The following CD163L1 variants were observed in gnomAD, a reference collection of about 807,000 sequenced individuals.
CD163L1 encodes the protein scavenger receptor cysteine-rich type 1 protein M160.
In CD163L1, 124 loss-of-function variants were observed where a neutral mutation model predicts 165.4. The observed-to-expected ratio is 0.75, with a 90% CI of 0.65 to 0.87. The LOEUF (loss-of-function observed/expected upper bound fraction) is 0.87, where lower values mean the gene tolerates loss of function less well. Among genes scored for constraint, CD163L1 ranks in the 40% least tolerant of loss-of-function variants. The pLI is 0.00. For synonymous variants in CD163L1, 585 were observed against 662.2 expected (o/e 0.88, Z 1.79); for missense variants, 1,525 against 1,799.9 (o/e 0.85, Z 2.76).
rs1278657315 is a variant in CD163L1 at position 7,438,918 on chromosome 12, GCA to G, written c.124+2234_124+2235del. On this transcript the variant is annotated intron_variant, in intron 2 of 19. Transcript: ENST00000313599. ...CTGTCTTGATTCCTCTGCTTTTTAG[GCA>G]CAGTTTTCTTCTCTAAGAATGCGTT... The G allele has an allele frequency of 8.7e-6, 14 of 1,602,132 alleles. 1 individual carries two copies. The Admixed American group carries it at 1.7e-4, about 19-fold the overall frequency.
At chr12:7,326,970 T>G in the CD163L1 span, 5 of 1,592,948 alleles carry the variant, frequency 3.1e-6, no homozygotes, top group African/African-American at 6.7e-5. Context: ...AACTTTTCTG[T>G]TGCAGGTGGT....
At chr12:7,439,933 T>G (rs1420710351) in intron 2 of CD163L1, 3 of 1,592,728 alleles carry the variant, frequency 1.9e-6, no homozygotes, top group Non-Finnish European at 2.6e-6. Context: ...CTCAGTGCTG[T>G]CGGCAGCTGA....
At chr12:7,354,765 A>G (rs747266836), downstream of CD163L1, among the ~76,000 whole-genome samples, 95 of 152,240 alleles carry the variant, frequency 6.2e-4, 1 homozygote, top group African/African-American at 2.1e-3. Flanking sequence ...GTACACTCAC[A>G]TAAGGGAAGG....
At chr12:7,355,944 G>A (rs1349487089) in intron 19 of CD163L1, among the ~76,000 whole-genome samples, 1 of 152,058 alleles carries the variant, frequency 6.6e-6, no homozygotes, top group African/African-American at 2.4e-5. Flanking sequence ...CCCAGTCTGT[G>A]GTATTTTCTT....
chr12:7,322,848 A>G, the CD163L1 span, among the ~76,000 whole-genome samples: 6 of 152,160 alleles, frequency 3.9e-5, no homozygotes, highest in Non-Finnish European at 7.3e-5. Context: ...ATCCTCTGAG[A>G]GCGTCCATGG....
chr12:7,380,337 G>GTATACATACATGTATGTGTGTATACGCA (rs1565784176), intron 8 of CD163L1, among the ~76,000 whole-genome samples: 17 of 139,200 alleles, frequency 1.2e-4, no homozygotes, highest in South Asian at 2.5e-4. Context: ...ATGTATACAC[G>GTATACATACATGTATGTGTGTATACGCA]TATACATACA....
At chr12:7,428,000 T>C (rs1429009487) in intron 4 of CD163L1, among the ~76,000 whole-genome samples, 1 of 152,092 alleles carries the variant, frequency 6.6e-6, no homozygotes, top group East Asian at 1.9e-4. Flanking sequence ...AAACAATAAT[T>C]TGAAGCTTTG....
At chr12:7,385,849 A>G (rs1188298087) in intron 8 of CD163L1, among the ~76,000 whole-genome samples, 1 of 152,048 alleles carries the variant, frequency 6.6e-6, no homozygotes, top group African/African-American at 2.4e-5. Flanking sequence ...TATGGGATAC[A>G]CCAATAGCAC....
chr12:7,420,031 A>G (rs1460043236), intron 4 of CD163L1, among the ~76,000 whole-genome samples: 4 of 152,152 alleles, frequency 2.6e-5, no homozygotes, highest in African/African-American at 9.6e-5. Context: ...GGAATGGAAA[A>G]GAGTACCCAG....
chr12:7,324,521 G>A, the CD163L1 span: 1 of 1,613,972 alleles, frequency 6.2e-7, no homozygotes, highest in African/African-American at 1.3e-5. Context: ...GCCATTTGAA[G>A]TGGAGAGTGC....
rs1159663308 is a variant in CD163L1 at position 7,357,545 on chromosome 12, G to A, written c.4280-59C>T. Reference sequence around the variant, plus strand: ...GTAGAAAACCTCTCTGCAGAGGGAAGAGCTGTTAAGTGCAGTGTTTGATCA... The same window carrying A: ...GTAGAAAACCTCTCTGCAGAGGGAAAAGCTGTTAAGTGCAGTGTTTGATCA... On this transcript the variant is annotated intron_variant, in intron 18 of 19. Coordinates refer to ENST00000313599, the MANE Select transcript of CD163L1 (RefSeq NM_174941.6). 7 of 1,417,644 alleles carry A rather than the reference G, an allele frequency of 4.9e-6. No homozygotes were observed. In the East Asian group the frequency reaches 1.6e-4, roughly 32 times the overall value. 87.8% of individuals were successfully genotyped at this position (1,417,644 alleles called of 1,614,324 possible).
Position 7,433,456 on chromosome 12 carries a change from C to T in CD163L1, c.363G>A (p.Glu121=). Residue 121 remains glutamate, a synonymous_variant, in exon 3 of 20, where the codon GAG becomes GAA. Coordinates refer to ENST00000313599, the MANE Select transcript of CD163L1 (RefSeq NM_174941.6). ...GGTGTTGACATTCCCAGAGAGCTGACTCATTTCCATAACAGGAAACATCAT... is the reference window on the plus strand; with the variant it reads ...GGTGTTGACATTCCCAGAGAGCTGATTCATTTCCATAACAGGAAACATCAT... ...WLDDVSCYGN[E]SALWECQHRE... The T allele has an allele frequency of 6.2e-7, 1 of 1,613,968 alleles. No individual in the cohort carries two copies. Among genetic ancestry groups the T allele is most frequent in the Non-Finnish European group, 8.5e-7 (1 of 1,179,888 alleles).
At chr12:7,331,257 C>T in the CD163L1 span, among the ~76,000 whole-genome samples, 1 of 152,222 alleles carries the variant, frequency 6.6e-6, no homozygotes, top group Non-Finnish European at 1.5e-5. Flanking sequence ...TGCCATTGCC[C>T]AGGCTTGAGT....
downstream of CD163L1, among the ~76,000 whole-genome samples, chr12:7,344,735 G>A (rs1288455815): frequency 2.6e-5 from 4 of 152,310 alleles, no homozygotes; most frequent in Non-Finnish European, 5.9e-5. Flanking sequence ...CTGAAATCTA[G>A]GCTGAGGCTG....
Position 7,369,607 on chromosome 12 carries a change from G to C in CD163L1, c.3789C>G (p.His1263Gln). 6.2e-7 allele frequency: 1 copy of C among 1,613,636 alleles called. No individual in the cohort carries two copies. The highest frequency in any genetic ancestry group is 1.1e-5 in the South Asian group (1 of 91,008). ...TECSGRVEIW[H>Q]AGSWGTVCDD... ...CACACACTGTGCCCCAGGAGCCTGCGTGCCAGATCTCCACTCTCCCAGAGC... is the reference window on the plus strand; with the variant it reads ...CACACACTGTGCCCCAGGAGCCTGCCTGCCAGATCTCCACTCTCCCAGAGC... Residue 1263 changes from histidine (H) to glutamine (Q), a missense_variant, in exon 15 of 20, where the codon CAC (histidine) becomes CAG (glutamine). By Grantham distance (24) the His-to-Gln change is conservative. Coordinates refer to ENST00000313599, the MANE Select transcript of CD163L1 (RefSeq NM_174941.6). The surrounding 1 kb of genome is among the most constrained non-coding windows in gnomAD (Gnocchi z 4.9).
chr12:7,421,758 TATATATATATA>T (rs1948442861), intron 4 of CD163L1, among the ~76,000 whole-genome samples: 1 of 132,318 alleles, frequency 7.6e-6, no homozygotes, highest in African/African-American at 3.2e-5. Context: ...TATATATATA[TATATATATATA>T]TTTTTTCTTC....
chr12:7,403,887 T>A (rs763043900), intron 5 of CD163L1, 32 bp from the exon 6 acceptor site: 4 of 1,593,454 alleles, frequency 2.5e-6, no homozygotes, highest in Non-Finnish European at 3.4e-6. Flanking sequence ...ACGTCTGAAT[T>A]GGGTTTGGGA....
At position 7,369,638 on chromosome 12, in the gene CD163L1, G is replaced by T; in HGVS notation, c.3758C>A (p.Thr1253Asn). Residue 1253 changes from threonine to asparagine, a missense_variant, in exon 15 of 20, where the codon ACC (threonine) becomes AAC (asparagine). Coordinates refer to ENST00000313599, the MANE Select transcript of CD163L1 (RefSeq NM_174941.6). This position sits in a 1 kb window ranked among gnomAD's most constrained non-coding sequence, Gnocchi z 4.9. ...EDRIRVRGGD[T>N]ECSGRVEIWH... ...GATCTCCACTCTCCCAGAGCACTCG[G>T]TGTCTCCTCCACGCACTCTTATTCT... 6.2e-7 allele frequency: 1 copy of T among 1,614,068 alleles called. No individual in the cohort carries two copies. The highest frequency in any genetic ancestry group is 2.2e-5 in the East Asian group (1 of 44,876).
chr12:7,413,232 A>T (rs1052925426), intron 4 of CD163L1, among the ~76,000 whole-genome samples: 1 of 152,080 alleles, frequency 6.6e-6, no homozygotes. Context: ...TATGGCCAAG[A>T]GAGACTCCCT....
Sources: allele counts gnomAD v4.1 joint callset (sites outside exome capture counted in the v4.1 genomes callset), GRCh38; gene constraint gnomAD v4.1.1; non-coding constraint Gnocchi (gnomAD v3.1); transcripts MANE v1.5; gene names NCBI Gene and HGNC (gene_info 2026-07-23, HGNC 2026-07-21).